The following SYK variants were observed in gnomAD, a reference collection of about 807,000 sequenced individuals.
SYK encodes tyrosine-protein kinase SYK.
SYK carries 16 observed loss-of-function variants against 77.8 expected under a neutral mutation model. The observed-to-expected ratio is 0.21, with a 90% confidence interval of 0.14 to 0.31. The LOEUF is 0.31. Ranked by LOEUF, SYK falls within the 10% of genes least tolerant of loss-of-function variation. SYK has a pLI of 1.00. For missense variants in SYK, 529 were observed against 814.4 expected (o/e 0.65, Z 4.26); for synonymous variants, 312 against 308.7 (o/e 1.01, Z -0.11).
chr9:90,862,850 G>C (rs1428280964), intron 4 of SYK, among the ~76,000 whole-genome samples: 1 of 152,232 alleles, frequency 6.6e-6, no homozygotes, highest in Non-Finnish European at 1.5e-5. Context: ...TGTTGGTGGT[G>C]TGAGAGGCTG....
chr9:90,819,071 A>G (rs1211967207), intron 1 of SYK, among the ~76,000 whole-genome samples: 9 of 152,246 alleles, frequency 5.9e-5, no homozygotes, highest in Admixed American at 4.6e-4. Flanking sequence ...TGAGACTGAT[A>G]TTATAATTTT....
intron 7 of SYK, among the ~76,000 whole-genome samples, chr9:90,867,760 G>T (rs922260816): frequency 6.6e-6 from 1 of 152,064 alleles, no homozygotes; most frequent in Non-Finnish European, 1.5e-5. Flanking sequence ...TCTTTTTGAG[G>T]CAGTAATGTT....
At chr9:90,829,424 C>T (rs1021214624) in intron 1 of SYK, among the ~76,000 whole-genome samples, 4 of 152,176 alleles carry the variant, frequency 2.6e-5, no homozygotes, top group African/African-American at 9.7e-5. Flanking sequence ...CCCTGAAGAC[C>T]ACACTCAGGA....
At chr9:90,832,539 C>G (rs1825932150) in intron 1 of SYK, among the ~76,000 whole-genome samples, 1 of 152,228 alleles carries the variant, frequency 6.6e-6, no homozygotes, top group African/African-American at 2.4e-5. Context: ...CAGAAGCACA[C>G]ACTGGGCTCA....
In SYK at chr9:90,895,511, C is replaced by CATCT. The variant is rs775488725; in HGVS notation, c.1836-16_1836-13dup. The CATCT allele has an allele frequency of 4.8e-5, 78 of 1,613,364 alleles. No individual in the cohort carries two copies. In the African/African-American group the frequency reaches 9.7e-4, roughly 20 times the overall value. On this transcript the variant is annotated splice_polypyrimidine_tract_variant and intron_variant, in intron 13 of 13. Transcript: ENST00000375754. The surrounding 1 kb of genome is among the most constrained non-coding windows in gnomAD (Gnocchi z 4.4). Reference sequence around the variant, plus strand: ...ACAAGCACATTGACAAACAAGAATGCATCTCTTCCATTCCAGTGTGGAAAA... The same window carrying CATCT: ...ACAAGCACATTGACAAACAAGAATGCATCTATCTCTTCCATTCCAGTGTGGAAAA...
At chr9:90,854,500 T>C (rs767569305) in intron 3 of SYK, among the ~76,000 whole-genome samples, 6 of 152,092 alleles carry the variant, frequency 3.9e-5, no homozygotes, top group African/African-American at 9.7e-5. Flanking sequence ...TGCAGCTAAG[T>C]GGGCCTGATG....
At chr9:90,843,512 G>T (rs998773600) in intron 1 of SYK, among the ~76,000 whole-genome samples, 1 of 152,156 alleles carries the variant, frequency 6.6e-6, no homozygotes, top group Non-Finnish European at 1.5e-5. Context: ...GACCCTGAGG[G>T]TCAGCCCAAG....
chr9:90,837,067 A>G (rs535371672), intron 1 of SYK, among the ~76,000 whole-genome samples: 1 of 152,138 alleles, frequency 6.6e-6, no homozygotes, highest in East Asian at 1.9e-4. Flanking sequence ...TTAATCAGTT[A>G]TTTATGTTAT....
chr9:90,832,551 C>CTCCT (rs1410782357), intron 1 of SYK, among the ~76,000 whole-genome samples: 1 of 152,204 alleles, frequency 6.6e-6, no homozygotes, highest in Non-Finnish European at 1.5e-5. Flanking sequence ...CTGGGCTCAG[C>CTCCT]TCCTTCCTTC....
chr9:90,861,039 C>T (rs1379722624), intron 3 of SYK, among the ~76,000 whole-genome samples: 2 of 152,154 alleles, frequency 1.3e-5, no homozygotes, highest in Non-Finnish European at 2.9e-5. Context: ...GACTCACCCT[C>T]AGAACCTAAG....
At chr9:90,822,031 T>C (rs1435219080) in intron 1 of SYK, among the ~76,000 whole-genome samples, 3 of 152,130 alleles carry the variant, frequency 2.0e-5, no homozygotes, top group African/African-American at 7.2e-5. Flanking sequence ...GATGAAAATA[T>C]GGTGACGGCA....
In SYK at chr9:90,897,964, A is replaced by G. The variant is rs1587937819; in HGVS notation, c.*2364A>G. 2 of 228,738 alleles carry G rather than the reference A, an allele frequency of 8.7e-6. No individual in the cohort carries two copies. Among genetic ancestry groups the G allele is most frequent in the Admixed American group, 5.7e-5 (1 of 17,616 alleles). The allele number at this position is 228,738 out of a possible 1,614,324, so 14.2% of individuals were successfully genotyped here. ...AAGGATTGGTCATGTGAAAAGGGCTACATTTGGGAAGCTGGGAAAGGCCTC... is the reference window on the plus strand; with the variant it reads ...AAGGATTGGTCATGTGAAAAGGGCTGCATTTGGGAAGCTGGGAAAGGCCTC... On this transcript the variant is annotated 3_prime_UTR_variant, in exon 14 of 14. Transcript: ENST00000375754.
chr9:90,850,746 A>G (rs1826789985), intron 3 of SYK, among the ~76,000 whole-genome samples: 1 of 148,492 alleles, frequency 6.7e-6, no homozygotes. Context: ...GGAAAGTGGC[A>G]TTGGTAAGAA....
At chr9:90,877,465 A>T in intron 9 of SYK, 106 bp from the exon 10 acceptor site, 1 of 1,234,108 alleles carries the variant, frequency 8.1e-7, no homozygotes, top group Non-Finnish European at 1.1e-6. Context: ...TGTGGCAGGT[A>T]TTTCCGTGGG....
At chr9:90,824,978 TAAAACA>T (rs953260453) in intron 1 of SYK, among the ~76,000 whole-genome samples, 4 of 152,256 alleles carry the variant, frequency 2.6e-5, no homozygotes, top group Non-Finnish European at 5.9e-5. Flanking sequence ...AAAGAATCCA[TAAAACA>T]ACTCTAATAA....
intron 1 of SYK, among the ~76,000 whole-genome samples, chr9:90,808,150 G>A (rs58668584): frequency 0.23 from 35,555 of 151,934 alleles, 4,224 homozygotes; most frequent in Middle Eastern, 0.35. Flanking sequence ...TTTGCACTGT[G>A]TTTTCATGAA....
At chr9:90,884,369 A>G (rs1291245712) in intron 11 of SYK, among the ~76,000 whole-genome samples, 2 of 148,828 alleles carry the variant, frequency 1.3e-5, no homozygotes, top group Admixed American at 1.3e-4. Flanking sequence ...ATACATACAT[A>G]CACACATACG....
intron 1 of SYK, among the ~76,000 whole-genome samples, chr9:90,804,313 C>G (rs1291918887): frequency 1.3e-5 from 2 of 152,146 alleles, no homozygotes; most frequent in Non-Finnish European, 2.9e-5. Flanking sequence ...GACAGTCTAC[C>G]ATTTTAGAGA....
rs150936008 is a variant in SYK, at chr9:90,807,250, T to C, written c.-42+5357T>C. Among the ~76,000 whole-genome samples the C allele has an allele frequency of 3.7e-3, 559 of 152,310 alleles. 6 individuals carry two copies. Among genetic ancestry groups the C allele is most frequent in the African/African-American group, 0.013 (530 of 41,558 alleles). On this transcript the variant is annotated intron_variant, in intron 1 of 13. Transcript: ENST00000375754. ...CTTTGGGAAACCATGCATGACCTCT[T>C]GCTGCTCCTTACCAAGCTCCTTAGG...
Sources: gnomAD v4.1 joint callset for allele counts (sites outside exome capture counted in the v4.1 genomes callset) on GRCh38, gnomAD v4.1.1 for gene constraint, Gnocchi (gnomAD v3.1) non-coding constraint, MANE v1.5 for transcripts, NCBI Gene and HGNC (gene_info 2026-07-23, HGNC 2026-07-21) for gene names.